The following PIGK variants were observed in gnomAD, a reference collection of about 807,000 sequenced individuals.
PIGK encodes the protein phosphatidylinositol glycan anchor biosynthesis class K.
In PIGK, 42 loss-of-function variants were observed where a neutral mutation model predicts 50.6. The observed-to-expected ratio is 0.83, with a 90% CI of 0.65 to 1.07. PIGK has a LOEUF of 1.07. Ranked by LOEUF, PIGK falls within the 50% of genes least tolerant of loss-of-function variation. The pLI is 0.00. For missense variants in PIGK, 448 were observed against 488.7 expected, an observed-to-expected ratio of 0.92 and a Z score of 0.78; for synonymous variants, 151 against 156.0, an observed-to-expected ratio of 0.97 and a Z score of 0.24.
intron 10 of PIGK, among the ~76,000 whole-genome samples, chr1:77,111,037 C>A (rs368832090): frequency 3.1e-4 from 47 of 152,188 alleles, no homozygotes; most frequent in African/African-American, 7.0e-4. Context: ...CAGAGAAATG[C>A]AAATCAAAAC....
intron 10 of PIGK, among the ~76,000 whole-genome samples, chr1:77,117,119 C>G (rs1242060333): frequency 6.6e-6 from 1 of 152,184 alleles, no homozygotes; most frequent in Non-Finnish European, 1.5e-5. Flanking sequence ...ACTCTTTAAA[C>G]TTCTACACAA....
chr1:77,114,408 A>G (rs1319507767), intron 10 of PIGK, among the ~76,000 whole-genome samples: 1 of 152,174 alleles, frequency 6.6e-6, no homozygotes, highest in Admixed American at 6.5e-5. Flanking sequence ...GTTGTACAAC[A>G]AAAATGAAAA....
At chr1:77,185,850 C>A (rs1037660023) in intron 3 of PIGK, among the ~76,000 whole-genome samples, 4 of 152,232 alleles carry the variant, frequency 2.6e-5, no homozygotes, top group Non-Finnish European at 5.9e-5. Flanking sequence ...GATTTTGGAG[C>A]AAGGCCCTGC....
chr1:77,194,730 C>A, intron 3 of PIGK: 1 of 314,212 alleles, frequency 3.2e-6, no homozygotes, highest in East Asian at 8.5e-5. Flanking sequence ...TACACCAAAC[C>A]CTGTGATACA....
At chr1:77,129,624 T>C in intron 9 of PIGK, 3 of 1,539,298 alleles carry the variant, frequency 1.9e-6, no homozygotes, top group Non-Finnish European at 2.7e-6. Context: ...GAAAAAGATA[T>C]CCCAGAAGAA....
At chr1:77,145,951 C>A (rs890551783) in intron 9 of PIGK, among the ~76,000 whole-genome samples, 8 of 152,052 alleles carry the variant, frequency 5.3e-5, no homozygotes, top group Non-Finnish European at 4.4e-5. Flanking sequence ...AGATGCTGCT[C>A]AACTTATGAT....
intron 8 of PIGK, among the ~76,000 whole-genome samples, chr1:77,160,913 T>C (rs1271917386): frequency 1.3e-5 from 2 of 151,880 alleles, no homozygotes; most frequent in Non-Finnish European, 2.9e-5. Context: ...CTGTGGTAAA[T>C]GTTACCAAGG....
intron 9 of PIGK, among the ~76,000 whole-genome samples, chr1:77,131,466 T>C (rs1214079418): frequency 6.6e-6 from 1 of 152,072 alleles, no homozygotes; most frequent in Non-Finnish European, 1.5e-5. Flanking sequence ...CATGTATTCT[T>C]ATCTTGTCCC....
At chr1:77,184,849 T>A (rs538197154) in intron 3 of PIGK, among the ~76,000 whole-genome samples, 16 of 152,182 alleles carry the variant, frequency 1.1e-4, no homozygotes, top group Admixed American at 9.8e-4. Context: ...CCTCTACCTA[T>A]AAAAATAGTA....
At chr1:77,165,427 G>A (rs1051324738) in intron 5 of PIGK, among the ~76,000 whole-genome samples, 6 of 151,778 alleles carry the variant, frequency 4.0e-5, no homozygotes, top group African/African-American at 1.2e-4. Context: ...AATGCAACAC[G>A]ATAGAGAAAA....
intron 3 of PIGK, among the ~76,000 whole-genome samples, chr1:77,190,971 C>T (rs1027270310): frequency 1.3e-5 from 2 of 152,224 alleles, no homozygotes; most frequent in Non-Finnish European, 2.9e-5. Context: ...CCTCACCGTT[C>T]CCTTCCCCAT....
intron 3 of PIGK, among the ~76,000 whole-genome samples, chr1:77,204,000 A>G (rs1298688983): frequency 2.6e-5 from 4 of 152,204 alleles, no homozygotes; most frequent in Non-Finnish European, 5.9e-5. Context: ...AAATCTGGGC[A>G]TCCAAAAGGA....
intron 5 of PIGK, among the ~76,000 whole-genome samples, chr1:77,164,969 T>C (rs1655203679): frequency 6.6e-6 from 1 of 152,152 alleles, no homozygotes; most frequent in South Asian, 2.1e-4. Flanking sequence ...AAAGATCAGG[T>C]AGTAAATATT....
intron 10 of PIGK, among the ~76,000 whole-genome samples, chr1:77,111,303 C>T (rs1653834507): frequency 6.6e-6 from 1 of 152,116 alleles, no homozygotes; most frequent in Admixed American, 6.6e-5. Context: ...AAGACACATG[C>T]ACACATATGT....
intron 1 of PIGK, among the ~76,000 whole-genome samples, chr1:77,213,874 T>G (rs1243047094): frequency 6.6e-6 from 1 of 152,062 alleles, no homozygotes; most frequent in East Asian, 1.9e-4. Flanking sequence ...ATCACTGAAG[T>G]ACAAAGAATC....
chr1:77,142,456 A>G (rs543391974), intron 9 of PIGK, among the ~76,000 whole-genome samples: 43 of 152,212 alleles, frequency 2.8e-4, no homozygotes, highest in Non-Finnish European at 5.0e-4. Context: ...ACCCTATGAC[A>G]GATAAAGTAT....
chr1:77,190,910 C>T (rs1655889143), intron 3 of PIGK, among the ~76,000 whole-genome samples: 1 of 152,128 alleles, frequency 6.6e-6, no homozygotes, highest in Non-Finnish European at 1.5e-5. Flanking sequence ...AAATATTCCC[C>T]AATGTTAATC....
At position 77,125,229 on chromosome 1, in the gene PIGK, T is replaced by G. The variant is rs191114260; in HGVS notation, c.987-2870A>C. ...TTTTTAAAATGCCATGTAGCTGTTA[T>G]GAAAAATTCCAAACATGTTTCTGTA... is the stretch of plus-strand genomic sequence containing the variant. On this transcript the variant is annotated intron_variant, in intron 9 of 10. Transcript: ENST00000370812. Among the ~76,000 whole-genome samples, 154 of 152,350 alleles carry G rather than the reference T, an allele frequency of 1.0e-3. 2 individuals carry two copies. The highest frequency in any genetic ancestry group is 3.5e-3 in the African/African-American group (145 of 41,584).
At chr1:77,142,900 C>T (rs747185691) in intron 9 of PIGK, among the ~76,000 whole-genome samples, 2 of 152,096 alleles carry the variant, frequency 1.3e-5, no homozygotes, top group African/African-American at 2.4e-5. Flanking sequence ...CATTCATCTC[C>T]GTGCTCTTTC....
Sources: allele counts gnomAD v4.1 joint callset (sites outside exome capture counted in the v4.1 genomes callset), GRCh38; gene constraint gnomAD v4.1.1; transcripts MANE v1.5; gene names NCBI Gene and HGNC (gene_info 2026-07-23, HGNC 2026-07-21).